ENTHD1: variants seen among roughly 807,000 people sequenced by gnomAD.
The protein encoded by ENTHD1 is ENTH domain-containing protein 1.
Under a neutral mutation model 39.1 loss-of-function variants are expected in ENTHD1, and 23 were observed. The ratio of observed to expected loss-of-function variants is 0.59; its 90% confidence interval spans 0.42 to 0.83. The LOEUF (loss-of-function observed/expected upper bound fraction) is 0.83, where lower values mean the gene tolerates loss of function less well. ENTHD1 is among the 40% of genes least tolerant of loss of function. The pLI is 0.00. For synonymous variants in ENTHD1, 230 were observed against 258.2 expected (o/e 0.89, Z 1.05); for missense variants, 624 against 705.4 (o/e 0.88, Z 1.31).
chr22:39,767,643 AACAAG>A (rs566089200), intron 5 of ENTHD1, among the ~76,000 whole-genome samples: 121 of 152,318 alleles, frequency 7.9e-4, no homozygotes, highest in Admixed American at 5.5e-3. Flanking sequence ...ATGTGAGAAA[AACAAG>A]ACAAAAATGT....
chr22:39,850,818 C>G (rs909277196), intron 3 of ENTHD1, among the ~76,000 whole-genome samples: 7 of 152,142 alleles, frequency 4.6e-5, no homozygotes, highest in African/African-American at 1.2e-4. Context: ...TGCCCACCCC[C>G]ACTTACATAC....
chr22:39,877,033 G>C (rs2066296335), intron 2 of ENTHD1, among the ~76,000 whole-genome samples: 1 of 152,204 alleles, frequency 6.6e-6, no homozygotes, highest in Admixed American at 6.5e-5. Flanking sequence ...ATAAAAGAGA[G>C]AATGTCAGAC....
intron 6 of ENTHD1, among the ~76,000 whole-genome samples, chr22:39,755,048 C>T (rs907078067): frequency 2.0e-5 from 3 of 152,174 alleles, no homozygotes; most frequent in African/African-American, 7.2e-5. Context: ...ATATTGAATA[C>T]TGACTATGTG....
At chr22:39,810,156 C>T (rs1323464201) in intron 5 of ENTHD1, among the ~76,000 whole-genome samples, 3 of 152,156 alleles carry the variant, frequency 2.0e-5, no homozygotes, top group African/African-American at 4.8e-5. Context: ...CAGGTGTGTA[C>T]AGTAAATCTT....
intron 2 of ENTHD1, among the ~76,000 whole-genome samples, chr22:39,871,655 T>C (rs1202393117): frequency 6.6e-6 from 1 of 152,172 alleles, no homozygotes. Context: ...CTGAGTACAA[T>C]AAATAAAGAG....
chr22:39,753,568 T>A (rs975201161), intron 6 of ENTHD1, among the ~76,000 whole-genome samples: 2 of 152,218 alleles, frequency 1.3e-5, no homozygotes, highest in African/African-American at 4.8e-5. Context: ...TCCTAACTTG[T>A]TATCTCCGAA....
chr22:39,847,890 G>A (rs75424411), intron 3 of ENTHD1, among the ~76,000 whole-genome samples: 5 of 152,250 alleles, frequency 3.3e-5, no homozygotes, highest in African/African-American at 9.6e-5. Context: ...TTATTATCTC[G>A]CAGTTCTGTA....
chr22:39,836,056 C>T (rs1173358626), intron 3 of ENTHD1, 98 bp from the exon 4 acceptor site: 3 of 780,696 alleles, frequency 3.8e-6, no homozygotes, highest in Non-Finnish European at 6.0e-6. Flanking sequence ...CTGAAGATAC[C>T]TTTTTTTCCT....
intron 5 of ENTHD1, among the ~76,000 whole-genome samples, chr22:39,779,552 G>GA (rs2065391707): frequency 6.9e-6 from 1 of 144,088 alleles, no homozygotes. Context: ...ACAGTAACAT[G>GA]AAAGAAAAAA....
At chr22:39,788,329 C>T (rs963088413) in intron 5 of ENTHD1, among the ~76,000 whole-genome samples, 16 of 152,112 alleles carry the variant, frequency 1.1e-4, no homozygotes, top group African/African-American at 3.9e-4. Context: ...TTCCAACCCT[C>T]ATGGATGACT....
chr22:39,796,922 T>G (rs188045484), intron 5 of ENTHD1, among the ~76,000 whole-genome samples: 1 of 152,222 alleles, frequency 6.6e-6, no homozygotes, highest in Non-Finnish European at 1.5e-5. Context: ...CGTTTCTTTT[T>G]GATTTTCTGT....
At position 39,867,296 on chromosome 22, in the gene ENTHD1, G is replaced by T. The variant is rs1310052411; in HGVS notation, c.350-5289C>A. 6.6e-6 allele frequency among the ~76,000 whole-genome samples: 1 copy of T among 152,084 alleles called. No homozygotes were observed. The highest frequency in any genetic ancestry group is 1.9e-4 in the East Asian group (1 of 5,198). On this transcript the variant is annotated intron_variant, in intron 2 of 6. Coordinates refer to ENST00000325157, the MANE Select transcript of ENTHD1 (RefSeq NM_152512.4). The surrounding 1 kb of genome is among the most constrained non-coding windows in gnomAD (Gnocchi z 4.5). ...TCTTTGGCATTGAGATGCACCACTA[G>T]GAAAAATATGTATCAGAAGATCTTT...
At chr22:39,851,020 C>A (rs2066032839) in intron 3 of ENTHD1, among the ~76,000 whole-genome samples, 1 of 152,154 alleles carries the variant, frequency 6.6e-6, no homozygotes, top group South Asian at 2.1e-4. Flanking sequence ...ATGCAGGTCT[C>A]ATGGTTGTAA....
intron 5 of ENTHD1, among the ~76,000 whole-genome samples, chr22:39,766,843 G>T (rs572064346): frequency 6.6e-6 from 1 of 152,132 alleles, no homozygotes; most frequent in Non-Finnish European, 1.5e-5. Context: ...GACAGTTCAA[G>T]AAACTTACAT....
At chr22:39,792,092 A>G (rs1352302432) in intron 5 of ENTHD1, among the ~76,000 whole-genome samples, 3 of 152,160 alleles carry the variant, frequency 2.0e-5, no homozygotes, top group East Asian at 3.8e-4. Flanking sequence ...GCTGCACAGT[A>G]TTCCATGGTG....
At chr22:39,890,109 A>G (rs1361967727) in intron 1 of ENTHD1, among the ~76,000 whole-genome samples, 1 of 145,126 alleles carries the variant, frequency 6.9e-6, no homozygotes, top group African/African-American at 2.6e-5. Context: ...AAAATAAATA[A>G]ATAAATAAAT....
chr22:39,861,113 C>A (rs936332140), intron 3 of ENTHD1, among the ~76,000 whole-genome samples: 2 of 152,212 alleles, frequency 1.3e-5, no homozygotes, highest in African/African-American at 4.8e-5. Flanking sequence ...GAAAACTGTA[C>A]TCCTTCACTT....
chr22:39,835,500 AT>A (rs930242909), intron 4 of ENTHD1, among the ~76,000 whole-genome samples: 1 of 152,124 alleles, frequency 6.6e-6, no homozygotes, highest in Admixed American at 6.5e-5. Flanking sequence ...ATTTCTCAAG[AT>A]TTTTTTAATA....
chr22:39,841,486 T>G (rs1200343467), intron 3 of ENTHD1, among the ~76,000 whole-genome samples: 2 of 151,718 alleles, frequency 1.3e-5, no homozygotes, highest in African/African-American at 2.4e-5. Context: ...TTTACCATTA[T>G]GTAATGGCCT....
Sources: gnomAD v4.1 joint callset for allele counts (sites outside exome capture counted in the v4.1 genomes callset) on GRCh38, gnomAD v4.1.1 for gene constraint, Gnocchi (gnomAD v3.1) non-coding constraint, MANE v1.5 for transcripts, NCBI Gene and HGNC (gene_info 2026-07-23, HGNC 2026-07-21) for gene names.